The following CADPS variants were observed in gnomAD, a reference collection of about 807,000 sequenced individuals.
CADPS encodes calcium-dependent secretion activator 1.
In CADPS, 57 loss-of-function variants were observed where a neutral mutation model predicts 167.3. That is an observed-to-expected ratio of 0.34 (90% CI 0.28 to 0.42). CADPS has a LOEUF of 0.42. CADPS is among the 20% of genes least tolerant of loss of function. The probability of loss-of-function intolerance (pLI) is 1.00; values close to 1 mark genes in which losing one functional copy is unlikely to be tolerated. For missense variants in CADPS, 1,414 were observed against 1,738.1 expected (o/e 0.81, Z 3.32); for synonymous variants, 676 against 635.3 (o/e 1.06, Z -0.96).
intron 1 of CADPS, among the ~76,000 whole-genome samples, chr3:62,799,541 G>T (rs2093642240): frequency 6.6e-6 from 1 of 152,110 alleles, no homozygotes; most frequent in South Asian, 2.1e-4. Context: ...TTGTCAAGCA[G>T]CAAGATAATG....
chr3:62,593,472 T>C (rs11708166), intron 6 of CADPS, among the ~76,000 whole-genome samples: 13,747 of 152,214 alleles, frequency 0.09, 785 homozygotes, highest in East Asian at 0.31. Context: ...ATTATTATTC[T>C]TACAGAGAAT....
rs142866866 is a variant in CADPS, at chr3:62,419,099, G to A, written c.3778-15914C>T. Among the ~76,000 whole-genome samples, 4 of 152,222 alleles carry A rather than the reference G, an allele frequency of 2.6e-5. No individual in the cohort carries two copies. The East Asian group carries it at 7.7e-4, about 29-fold the overall frequency. On this transcript the variant is annotated intron_variant, in intron 28 of 29. Coordinates refer to ENST00000383710, the MANE Select transcript of CADPS (RefSeq NM_003716.4). ...ACACCTTACTTTCTGCAAGCAAACC[G>A]GGAAACTGTGATATGTAAGAGAAAA...
intron 3 of CADPS, among the ~76,000 whole-genome samples, chr3:62,666,134 A>C (rs749482205): frequency 6.6e-6 from 1 of 152,096 alleles, no homozygotes; most frequent in Non-Finnish European, 1.5e-5. Context: ...ATCTCTTGAC[A>C]AATTTCCCTG....
intron 6 of CADPS, among the ~76,000 whole-genome samples, chr3:62,637,214 C>A (rs534854766): frequency 7.2e-4 from 110 of 152,222 alleles, no homozygotes; most frequent in African/African-American, 2.5e-3. Context: ...TTTAGGGAAA[C>A]TGAGGCTTAA....
At chr3:62,867,975 A>T (rs1323196180) in intron 1 of CADPS, among the ~76,000 whole-genome samples, 2 of 152,012 alleles carry the variant, frequency 1.3e-5, no homozygotes, top group African/African-American at 4.8e-5. Context: ...TTCTAATTTC[A>T]CAGTGTATAC....
intron 26 of CADPS, among the ~76,000 whole-genome samples, chr3:62,457,214 T>A (rs2058794259): frequency 1.3e-5 from 2 of 152,172 alleles, no homozygotes; most frequent in South Asian, 4.1e-4. Context: ...ATTTTCTCAT[T>A]TAATTCTACC....
At chr3:62,573,252 G>A (rs1400375020) in intron 8 of CADPS, among the ~76,000 whole-genome samples, 1 of 152,114 alleles carries the variant, frequency 6.6e-6, no homozygotes. Context: ...TATGTAAATA[G>A]TTGCTCTACT....
chr3:62,749,207 A>G (rs931036622), intron 3 of CADPS, among the ~76,000 whole-genome samples: 1 of 152,262 alleles, frequency 6.6e-6, no homozygotes, highest in Non-Finnish European at 1.5e-5. Flanking sequence ...GGGCAAATTC[A>G]GAGACATTTG....
At chr3:62,719,816 T>A (rs945569604) in intron 3 of CADPS, among the ~76,000 whole-genome samples, 3 of 152,188 alleles carry the variant, frequency 2.0e-5, no homozygotes, top group African/African-American at 7.2e-5. Flanking sequence ...GGGAGCACGG[T>A]AGGATTTGAC....
intron 8 of CADPS, among the ~76,000 whole-genome samples, chr3:62,577,095 G>A (rs375155161): frequency 6.6e-6 from 1 of 151,960 alleles, no homozygotes; most frequent in South Asian, 2.1e-4. Context: ...TTAGTTCCAG[G>A]AATCCCCCAA....
chr3:62,723,818 C>T (rs182737885), intron 3 of CADPS, among the ~76,000 whole-genome samples: 104 of 152,354 alleles, frequency 6.8e-4, no homozygotes, highest in East Asian at 3.9e-4. Flanking sequence ...GGCTTCCTCT[C>T]CTGCCTCTGC....
intron 27 of CADPS, 44 bp downstream of exon 27, chr3:62,445,721 A>AAC: frequency 7.2e-7 from 1 of 1,397,888 alleles, no homozygotes; most frequent in Non-Finnish European, 9.7e-7. Flanking sequence ...TGAAAAAAAA[A>AAC]AAAAACAAAA....
intron 8 of CADPS, among the ~76,000 whole-genome samples, chr3:62,581,011 A>T (rs1352558878): frequency 6.6e-6 from 1 of 152,196 alleles, no homozygotes; most frequent in Non-Finnish European, 1.5e-5. Context: ...TTTGAATTAC[A>T]GTCCAATAGC....
chr3:62,413,268 T>C (rs968719971), intron 28 of CADPS, among the ~76,000 whole-genome samples: 2 of 152,072 alleles, frequency 1.3e-5, no homozygotes, highest in African/African-American at 4.8e-5. Context: ...AGTGGAACTT[T>C]TGAGTATAGA....
intron 3 of CADPS, among the ~76,000 whole-genome samples, chr3:62,713,385 A>G (rs867522002): frequency 1.3e-5 from 2 of 152,232 alleles, no homozygotes; most frequent in Non-Finnish European, 2.9e-5. Context: ...CCACCTCTCC[A>G]TAAGACATGC....
At chr3:62,467,580 C>T (rs1007408276) in intron 24 of CADPS, among the ~76,000 whole-genome samples, 2 of 151,942 alleles carry the variant, frequency 1.3e-5, no homozygotes, top group Non-Finnish European at 2.9e-5. Context: ...TGGATAAAGT[C>T]CCAGTGCAAA....
Position 62,684,407 on chromosome 3 carries a change from C to G in CADPS, c.889-22013G>C, listed in dbSNP as rs574562741. Among the ~76,000 whole-genome samples, 65 of 152,082 alleles carry G rather than the reference C, an allele frequency of 4.3e-4. 1 individual carries two copies. Among genetic ancestry groups the G allele is most frequent in the African/African-American group, 1.2e-3 (49 of 41,472 alleles). On this transcript the variant is annotated intron_variant, in intron 3 of 29. Transcript: ENST00000383710. Reference sequence around the variant, plus strand: ...TGATCCAGGCTCAGCTTGTGTATTGCCTACCCCAGCCGTAGAATCAGCCAT... The same window carrying G: ...TGATCCAGGCTCAGCTTGTGTATTGGCTACCCCAGCCGTAGAATCAGCCAT...
chr3:62,812,795 C>T (rs756854545), intron 1 of CADPS, among the ~76,000 whole-genome samples: 3 of 152,088 alleles, frequency 2.0e-5, no homozygotes, highest in Non-Finnish European at 4.4e-5. Flanking sequence ...AGCATCAGAC[C>T]AAGGGCATGC....
intron 21 of CADPS, among the ~76,000 whole-genome samples, chr3:62,487,887 G>A (rs1161340322): frequency 6.6e-6 from 1 of 152,148 alleles, no homozygotes; most frequent in Non-Finnish European, 1.5e-5. Flanking sequence ...TACATTGGTA[G>A]CATTTTCTTG....
Sources: allele counts gnomAD v4.1 joint callset (sites outside exome capture counted in the v4.1 genomes callset), GRCh38; gene constraint gnomAD v4.1.1; transcripts MANE v1.5; gene names NCBI Gene and HGNC (gene_info 2026-07-23, HGNC 2026-07-21).